ITPK1: variants seen among roughly 807,000 people sequenced by gnomAD.
ITPK1 encodes inositol 1,3,4-trisphosphate 5/6-kinase.
In ITPK1, 21 loss-of-function variants were observed where a neutral mutation model predicts 45.3. That is an observed-to-expected ratio of 0.46 (90% CI 0.33 to 0.67). ITPK1 has a LOEUF of 0.67. Among genes scored for constraint, ITPK1 ranks in the 30% least tolerant of loss-of-function variants. The probability of loss-of-function intolerance (pLI) is 0.02; values close to 1 mark genes in which losing one functional copy is unlikely to be tolerated. For synonymous variants in ITPK1, 258 were observed against 253.6 expected (o/e 1.02, Z -0.16); for missense variants, 474 against 573.5 (o/e 0.83, Z 1.77).
Position 92,941,106 on chromosome 14 carries a change from G to T in ITPK1, c.*455C>A. The T allele has an allele frequency of 1.7e-6, 2 of 1,201,434 alleles. No individual in the cohort carries two copies. The highest frequency in any genetic ancestry group is 2.1e-6 in the Non-Finnish European group (2 of 949,488). The allele number at this position is 1,201,434 out of a possible 1,614,324, so 74.4% of individuals were successfully genotyped here. On this transcript the variant is annotated 3_prime_UTR_variant, in exon 11 of 11. Coordinates refer to ENST00000267615, the MANE Select transcript of ITPK1 (RefSeq NM_014216.6). ...AGGAAGGGGCAGGTCAGGGAGTGGG[G>T]AGTCAGGCAGAAGGGAAGCCACTCT...
intron 3 of ITPK1, chr14:93,071,513 C>T (rs2139973786): frequency 6.6e-6 from 1 of 152,350 alleles, no homozygotes; most frequent in South Asian, 2.1e-4. Flanking sequence ...AAAAATTTCT[C>T]ATCATAAGTC....
rs573737134 is a variant in ITPK1 at position 92,941,344 on chromosome 14, G to A, written c.*217C>T. ...GAGGTCTGCACAGTAGAGAGCAGGC[G>A]GACGGCCCCACTCCCCAACGGTGGA... On this transcript the variant is annotated 3_prime_UTR_variant, in exon 11 of 11. Transcript: ENST00000267615. The A allele has an allele frequency of 2.0e-4, 286 of 1,410,096 alleles. No individual in the cohort carries two copies. The African/African-American group carries it at 3.5e-3, about 17-fold the overall frequency. 87.3% of individuals were successfully genotyped at this position (1,410,096 alleles called of 1,614,324 possible). A position where few individuals can be genotyped will look rare whatever the true frequency, so the allele number is the denominator to read the frequency against.
At chr14:92,984,770 C>T (rs74444996) in intron 5 of ITPK1, among the ~76,000 whole-genome samples, 114 of 152,308 alleles carry the variant, frequency 7.5e-4, no homozygotes, top group African/African-American at 2.6e-3. Flanking sequence ...GATCCTGTCA[C>T]TTCTAGGGCA....
In ITPK1 at chr14:93,001,065, G is replaced by T. The variant is rs548272513; in HGVS notation, c.247-7068C>A. On this transcript the variant is annotated intron_variant, in intron 4 of 10. Transcript: ENST00000267615. Reference sequence around the variant, plus strand: ...GAGGCTGACGCGGGAGTATCACAAGGTCAGGAGTTCAAAACCAGCCAGTTA... The same window carrying T: ...GAGGCTGACGCGGGAGTATCACAAGTTCAGGAGTTCAAAACCAGCCAGTTA... 2.6e-5 allele frequency among the ~76,000 whole-genome samples: 4 copies of T among 151,554 alleles called. No homozygotes were observed. In the East Asian group the frequency reaches 7.8e-4, roughly 29 times the overall value.
intron 3 of ITPK1, among the ~76,000 whole-genome samples, chr14:93,048,468 A>T (rs1373719800): frequency 6.6e-6 from 1 of 152,248 alleles, no homozygotes; most frequent in Non-Finnish European, 1.5e-5. Context: ...ACAGGTTGAC[A>T]TCAGCAAGAA....
At chr14:93,060,006 C>G (rs1890449778) in intron 3 of ITPK1, among the ~76,000 whole-genome samples, 4 of 151,650 alleles carry the variant, frequency 2.6e-5, no homozygotes, top group Admixed American at 2.6e-4. Context: ...ATTCAAGATC[C>G]AGGGCTTCCA....
intron 3 of ITPK1, among the ~76,000 whole-genome samples, chr14:93,053,413 G>T (rs1203824127): frequency 1.3e-5 from 2 of 152,102 alleles, no homozygotes; most frequent in Admixed American, 6.5e-5. Context: ...GGGGCCTCAT[G>T]ACAGCCAGTG....
In ITPK1 at chr14:92,940,909, CGCCCA is replaced by C; in HGVS notation, c.*647_*651del. On this transcript the variant is annotated 3_prime_UTR_variant, in exon 11 of 11. Coordinates refer to ENST00000267615, the MANE Select transcript of ITPK1 (RefSeq NM_014216.6). ...GACGTGTGTTGGGGGGCCCAGAGGA[CGCCCA>C]GCTTCCTTTCCTTCCCTTTAGTGAG... 1 of 1,287,836 alleles carries C rather than the reference CGCCCA, an allele frequency of 7.8e-7. No individual in the cohort carries two copies. The highest frequency in any genetic ancestry group is 2.3e-5 in the Admixed American group (1 of 43,544). The allele number at this position is 1,287,836 out of a possible 1,614,324, so 79.8% of individuals were successfully genotyped here.
intron 2 of ITPK1, among the ~76,000 whole-genome samples, chr14:93,102,421 A>C (rs1566787245): frequency 6.6e-6 from 1 of 152,276 alleles, no homozygotes; most frequent in East Asian, 1.9e-4. Flanking sequence ...TGGCAAGGCC[A>C]TAATTCCTTT....
Position 92,974,841 on chromosome 14 carries a change from C to T in ITPK1, c.365-11992G>A, listed in dbSNP as rs530333544. On this transcript the variant is annotated intron_variant, in intron 5 of 10. Transcript: ENST00000267615. ...CAGGACTGGGTGCTGCCCAGCCGTC[C>T]GGTTCACTGAGGAAAGGAAGGGTCA... 5.9e-5 allele frequency among the ~76,000 whole-genome samples: 9 copies of T among 152,330 alleles called. No homozygotes were observed. In the East Asian group the frequency reaches 7.7e-4, roughly 13 times the overall value.
At chr14:93,077,985 C>T (rs978752334) in intron 2 of ITPK1, among the ~76,000 whole-genome samples, 2 of 152,220 alleles carry the variant, frequency 1.3e-5, no homozygotes, top group African/African-American at 4.8e-5. Context: ...GTGGTTTACT[C>T]ACCCAAGCTC....
intron 10 of ITPK1, among the ~76,000 whole-genome samples, chr14:92,945,461 A>C (rs1291310153): frequency 6.6e-6 from 1 of 152,210 alleles, no homozygotes; most frequent in Admixed American, 6.5e-5. Context: ...ACGTTTTTGC[A>C]CCTCAGCAGC....
At chr14:93,113,199 G>C (rs1892817463) in intron 2 of ITPK1, among the ~76,000 whole-genome samples, 1 of 152,114 alleles carries the variant, frequency 6.6e-6, no homozygotes, top group African/African-American at 2.4e-5. Context: ...AGACTTTGAA[G>C]ACAACAACTC....
chr14:92,973,830 G>A (rs1328339914), intron 5 of ITPK1, among the ~76,000 whole-genome samples: 1 of 152,206 alleles, frequency 6.6e-6, no homozygotes, highest in Non-Finnish European at 1.5e-5. Flanking sequence ...GACAGAGGTG[G>A]TCCCAATCTG....
intron 3 of ITPK1, chr14:93,067,332 C>CTG (rs903007124): frequency 6.6e-5 from 10 of 152,190 alleles, no homozygotes; most frequent in Non-Finnish European, 1.2e-4. Flanking sequence ...GGAAGCCTGC[C>CTG]TGCAAGAAGG....
intron 4 of ITPK1, among the ~76,000 whole-genome samples, chr14:93,003,701 C>T (rs986889132): frequency 1.3e-5 from 2 of 152,204 alleles, no homozygotes; most frequent in African/African-American, 4.8e-5. Context: ...ACAGTCCTGA[C>T]AGTCAGCCAA....
chr14:93,097,746 T>C (rs8004395), intron 2 of ITPK1, among the ~76,000 whole-genome samples: 41,543 of 152,156 alleles, frequency 0.27, 6,637 homozygotes, highest in African/African-American at 0.46. Context: ...CAGTGATTCA[T>C]GCCTGTAATC....
At chr14:93,033,487 C>T (rs1889163701) in intron 3 of ITPK1, among the ~76,000 whole-genome samples, 1 of 152,202 alleles carries the variant, frequency 6.6e-6, no homozygotes, top group African/African-American at 2.4e-5. Context: ...ACATCAGAAC[C>T]AGGGTCTAGA....
intron 5 of ITPK1, among the ~76,000 whole-genome samples, chr14:92,976,580 T>C (rs573344344): frequency 6.6e-6 from 1 of 152,266 alleles, no homozygotes; most frequent in Non-Finnish European, 1.5e-5. Flanking sequence ...AGAGATGACA[T>C]GTGTTGGGCA....
Sources: allele counts gnomAD v4.1 joint callset (sites outside exome capture counted in the v4.1 genomes callset), GRCh38; gene constraint gnomAD v4.1.1; transcripts MANE v1.5; gene names NCBI Gene and HGNC (gene_info 2026-07-23, HGNC 2026-07-21).